PCDHGA3: variants seen among roughly 807,000 people sequenced by gnomAD.
PCDHGA3 encodes the protein protocadherin gamma-A3.
In PCDHGA3, 40 loss-of-function variants were observed where a neutral mutation model predicts 58.5. That is an observed-to-expected ratio of 0.68 (90% CI 0.53 to 0.89). PCDHGA3 has a LOEUF of 0.89. Ranked by LOEUF, PCDHGA3 falls within the 40% of genes least tolerant of loss-of-function variation. PCDHGA3 has a pLI of 0.00. For missense variants in PCDHGA3, 1,223 were observed against 1,195.9 expected (o/e 1.02, Z -0.33); for synonymous variants, 530 against 525.7 (o/e 1.01, Z -0.11).
At chr5:141,373,722 C>T (rs1260568332) in intron 1 of PCDHGA3, among the ~76,000 whole-genome samples, 1 of 152,202 alleles carries the variant, frequency 6.6e-6, no homozygotes, top group Non-Finnish European at 1.5e-5. Flanking sequence ...CTCTTACACT[C>T]TTCTAAATGC....
intron 1 of PCDHGA3, chr5:141,351,209 G>A (rs764944772): frequency 6.2e-7 from 1 of 1,614,032 alleles, no homozygotes; most frequent in Non-Finnish European, 8.5e-7. Flanking sequence ...GAGTGTGGAA[G>A]CTAAGGATGG....
At chr5:141,346,585 T>C (rs988911686) in intron 1 of PCDHGA3, 128 bp downstream of exon 1, 1 of 1,373,936 alleles carries the variant, frequency 7.3e-7, no homozygotes, top group South Asian at 1.5e-5. Flanking sequence ...TAAATATTTG[T>C]CCCCCTTTCT....
intron 1 of PCDHGA3, among the ~76,000 whole-genome samples, chr5:141,463,049 T>C (rs529642816): frequency 3.9e-4 from 60 of 152,326 alleles, no homozygotes; most frequent in African/African-American, 1.3e-3. Context: ...CAGCAGGGTC[T>C]CTTTATTATG....
At position 141,344,380 on chromosome 5, in the gene PCDHGA3, T is replaced by A. The variant is rs778980089; in HGVS notation, c.347T>A (p.Ile116Asn). Residue 116 changes from isoleucine to asparagine, a missense_variant, in exon 1 of 4, where the codon ATT becomes AAT. Ile to Asn is a moderately radical substitution (Grantham distance 149, BLOSUM62 -3). Transcript: ENST00000253812. ...INILVEDKLK[I>N]FEVEIEIKDI... ...ATTCTGGTTGAGGATAAATTGAAAA[T>A]TTTTGAAGTAGAAATAGAAATTAAA... 8 of 1,612,874 alleles carry A rather than the reference T, an allele frequency of 5.0e-6. No homozygotes were observed. The African/African-American group carries it at 9.4e-5, about 19-fold the overall frequency.
intron 1 of PCDHGA3, among the ~76,000 whole-genome samples, chr5:141,472,400 G>A (rs2099279115): frequency 6.6e-6 from 1 of 152,024 alleles, no homozygotes; most frequent in East Asian, 1.9e-4. Flanking sequence ...AATTAGCCAG[G>A]CGTGGTGGCA....
At chr5:141,383,220 C>T in intron 1 of PCDHGA3, 1 of 1,613,982 alleles carries the variant, frequency 6.2e-7, no homozygotes, top group East Asian at 2.2e-5. Context: ...TAAACTTTAA[C>T]ATCCTGATGG....
chr5:141,412,559 G>C (rs1408913988), intron 1 of PCDHGA3: 2 of 152,100 alleles, frequency 1.3e-5, no homozygotes, highest in African/African-American at 4.8e-5. Context: ...TATCTCATGA[G>C]TTTATTTAAT....
intron 1 of PCDHGA3, chr5:141,393,454 C>A: frequency 1.2e-6 from 2 of 1,614,046 alleles, no homozygotes; most frequent in South Asian, 1.1e-5. Context: ...GTCCTCACGG[C>A]CTCGGATGGC....
intron 1 of PCDHGA3, chr5:141,356,242 A>G: frequency 4.4e-6 from 7 of 1,582,740 alleles, no homozygotes; most frequent in Non-Finnish European, 5.2e-6. Flanking sequence ...ACCAGAAGTC[A>G]CAGTTACATC....
At chr5:141,352,630 A>G in intron 1 of PCDHGA3, 3 of 1,611,280 alleles carry the variant, frequency 1.9e-6, no homozygotes, top group Non-Finnish European at 2.5e-6. Context: ...CCAGTAATGA[A>G]GATCACAAAA....
chr5:141,382,942 C>G, intron 1 of PCDHGA3: 1 of 1,595,524 alleles, frequency 6.3e-7, no homozygotes, highest in African/African-American at 1.3e-5. Flanking sequence ...AGGATTCTTC[C>G]TGCTCTCCAT....
chr5:141,439,756 G>A (rs74623862), intron 1 of PCDHGA3: 30 of 152,422 alleles, frequency 2.0e-4, no homozygotes, highest in African/African-American at 7.0e-4. Context: ...CAGGCAATGA[G>A]TTCAGCTCCT....
intron 1 of PCDHGA3, chr5:141,418,168 G>T (rs2096233804): frequency 6.2e-7 from 1 of 1,613,946 alleles, no homozygotes. Context: ...GAAGATGTGA[G>T]TTGCAATTGG....
At chr5:141,405,667 G>A (rs911046478) in intron 1 of PCDHGA3, among the ~76,000 whole-genome samples, 10 of 152,044 alleles carry the variant, frequency 6.6e-5, no homozygotes, top group Non-Finnish European at 7.4e-5. Flanking sequence ...TAGTAGAGAC[G>A]GGGTGTCACC....
intron 1 of PCDHGA3, chr5:141,370,412 A>G (rs1561546319): frequency 3.2e-6 from 5 of 1,567,090 alleles, no homozygotes; most frequent in Non-Finnish European, 4.3e-6. Context: ...ATAGCTCCGG[A>G]TGGAGGGGCC....
In PCDHGA3 at chr5:141,485,109, C is replaced by A; in HGVS notation, c.2425-9698C>A. ...AGATAGGTGTCTCCAGCTGCTGTGG[C>A]TGTTTGGGGCGGGTCGGCTTCATCC... On this transcript the variant is annotated intron_variant, in intron 1 of 3. Transcript: ENST00000253812. This position sits in a 1 kb window ranked among gnomAD's most constrained non-coding sequence, Gnocchi z 5.7. The A allele has an allele frequency of 1.6e-6, 2 of 1,230,962 alleles. No individual in the cohort carries two copies. The highest frequency in any genetic ancestry group is 2.4e-6 in the Non-Finnish European group (2 of 850,024). The allele number at this position is 1,230,962 out of a possible 1,614,324, so 76.3% of individuals were successfully genotyped here.
intron 1 of PCDHGA3, chr5:141,476,000 T>A (rs2099383773): frequency 1.6e-6 from 2 of 1,225,380 alleles, no homozygotes; most frequent in African/African-American, 1.5e-5. Flanking sequence ...ATCAACGGCA[T>A]CCAGAAAGCC....
At chr5:141,360,987 G>T in intron 1 of PCDHGA3, 1 of 1,613,592 alleles carries the variant, frequency 6.2e-7, no homozygotes, top group South Asian at 1.1e-5. Flanking sequence ...TTCATAATGT[G>T]GACGAACAAG....
chr5:141,395,538 TTGTTTG>T (rs1338769311), intron 1 of PCDHGA3: 4 of 225,774 alleles, frequency 1.8e-5, no homozygotes, highest in African/African-American at 1.7e-4. Flanking sequence ...AATTTTGCTA[TTGTTTG>T]TGTGTGTGTG....
Sources: allele counts gnomAD v4.1 joint callset (sites outside exome capture counted in the v4.1 genomes callset), GRCh38; gene constraint gnomAD v4.1.1; non-coding constraint Gnocchi (gnomAD v3.1); transcripts MANE v1.5; gene names NCBI Gene and HGNC (gene_info 2026-07-23, HGNC 2026-07-21).